Variants in THEMIS observed in about 807,000 individuals in gnomAD.
THEMIS encodes protein THEMIS.
Under a neutral mutation model 52.6 loss-of-function variants are expected in THEMIS, and 37 were observed. The ratio of observed to expected loss-of-function variants is 0.70; its 90% CI spans 0.54 to 0.93. The LOEUF is 0.93. Ranked by LOEUF, THEMIS falls within the 40% of genes least tolerant of loss-of-function variation. The pLI is 0.00. For missense variants in THEMIS, 808 were observed against 763.1 expected (o/e 1.06, Z -0.69); for synonymous variants, 292 against 272.7 (o/e 1.07, Z -0.70).
intron 4 of THEMIS, among the ~76,000 whole-genome samples, chr6:127,792,137 C>G (rs1209644326): frequency 6.6e-6 from 1 of 152,190 alleles, no homozygotes; most frequent in Admixed American, 6.5e-5. Context: ...TGTGCCTCCC[C>G]CATTGTAGCC....
At chr6:127,715,094 C>A (rs1444965276) in intron 5 of THEMIS, among the ~76,000 whole-genome samples, 1 of 151,888 alleles carries the variant, frequency 6.6e-6, no homozygotes, top group Admixed American at 6.6e-5. Flanking sequence ...CATTCTTAAA[C>A]ATTTAAATCT....
chr6:127,862,772 A>G (rs1295979974), intron 1 of THEMIS, among the ~76,000 whole-genome samples: 1 of 152,024 alleles, frequency 6.6e-6, no homozygotes, highest in Non-Finnish European at 1.5e-5. Context: ...AGTAGTCTCC[A>G]TGACAGAGAC....
intron 4 of THEMIS, among the ~76,000 whole-genome samples, chr6:127,730,944 T>C (rs1420804405): frequency 6.6e-6 from 1 of 152,210 alleles, no homozygotes; most frequent in Non-Finnish European, 1.5e-5. Context: ...TTGTGAAAAG[T>C]ATTCTTTCAT....
intron 1 of THEMIS, among the ~76,000 whole-genome samples, chr6:127,892,788 G>A (rs996339999): frequency 6.6e-6 from 1 of 151,826 alleles, no homozygotes. Flanking sequence ...AGTGTGCCTC[G>A]GCTCCTTTCC....
chr6:127,816,037 TCTTCAATA>T (rs1778121685), intron 3 of THEMIS, among the ~76,000 whole-genome samples: 1 of 152,200 alleles, frequency 6.6e-6, no homozygotes, highest in Non-Finnish European at 1.5e-5. Flanking sequence ...TACTGACCTA[TCTTCAATA>T]CTTCTGTGCC....
rs138782186 is a variant in THEMIS at position 127,719,803 on chromosome 6, G to C, written c.1779C>G (p.Thr593=). ...KSPKRHHVDI[T]KKLHPNQAGL... is the part of the protein sequence containing the mutation. ...CAGCTTGATTTGGGTGAAGTTTCTT[G>C]GTTATGTCTACGTGATGACGCTGAA... is the stretch of plus-strand genomic sequence containing the variant. The change falls in exon 5 of 6, where the codon ACC becomes ACG. Residue 593 remains threonine (T), a synonymous_variant. Transcript: ENST00000368248. 4.3e-5 allele frequency: 69 copies of C among 1,612,002 alleles called. No homozygotes were observed. The African/African-American group carries it at 9.0e-4, about 21-fold the overall frequency.
chr6:127,749,074 T>C (rs1001975575), intron 4 of THEMIS, among the ~76,000 whole-genome samples: 2 of 152,220 alleles, frequency 1.3e-5, no homozygotes, highest in East Asian at 1.9e-4. Flanking sequence ...ATGGCCTCTA[T>C]AACAATTTTG....
chr6:127,794,875 G>A (rs928394764), intron 4 of THEMIS, among the ~76,000 whole-genome samples: 1 of 152,070 alleles, frequency 6.6e-6, no homozygotes, highest in Non-Finnish European at 1.5e-5. Flanking sequence ...CCAAGACAAA[G>A]TAAACATTAA....
intron 2 of THEMIS, among the ~76,000 whole-genome samples, chr6:127,847,810 G>A (rs906151346): frequency 1.2e-4 from 18 of 151,124 alleles, no homozygotes; most frequent in Non-Finnish European, 1.8e-4. Flanking sequence ...AATTTTTATG[G>A]AACCAAAAAG....
intron 2 of THEMIS, among the ~76,000 whole-genome samples, chr6:127,830,300 A>G (rs1308165704): frequency 6.6e-6 from 1 of 152,214 alleles, no homozygotes; most frequent in Non-Finnish European, 1.5e-5. Flanking sequence ...TTATTTTTAA[A>G]ATGAGAAGAT....
chr6:127,702,245 T>C, the THEMIS span, among the ~76,000 whole-genome samples: 1 of 152,204 alleles, frequency 6.6e-6, no homozygotes, highest in East Asian at 1.9e-4. Context: ...AAGTCAACTG[T>C]TTGTCCAATT....
chr6:127,766,570 G>A (rs1158652327), intron 4 of THEMIS, among the ~76,000 whole-genome samples: 1 of 152,062 alleles, frequency 6.6e-6, no homozygotes, highest in African/African-American at 2.4e-5. Flanking sequence ...GCACCACAGA[G>A]TACACTTACA....
chr6:127,721,851 T>C (rs1774373767), intron 4 of THEMIS, among the ~76,000 whole-genome samples: 1 of 151,984 alleles, frequency 6.6e-6, no homozygotes, highest in African/African-American at 2.4e-5. Flanking sequence ...ATGCAATAGA[T>C]CAAAGAAGGA....
At chr6:127,752,747 T>G (rs1474972306) in intron 4 of THEMIS, among the ~76,000 whole-genome samples, 1 of 151,740 alleles carries the variant, frequency 6.6e-6, no homozygotes, top group Non-Finnish European at 1.5e-5. Context: ...TACCAAACAT[T>G]TAAAGAAAAA....
chr6:127,814,465 C>T (rs1014925389), intron 3 of THEMIS, among the ~76,000 whole-genome samples: 1 of 152,156 alleles, frequency 6.6e-6, no homozygotes, highest in African/African-American at 2.4e-5. Flanking sequence ...AAATCATATC[C>T]TGTGAGTTGA....
At position 127,709,021 on chromosome 6, in the gene THEMIS, A is replaced by G. The variant is rs1287272739; in HGVS notation, c.*964T>C. ...TCTTCATTTTGTTAAAGGAAAAATA[A>G]TATTGTTCCTGTATACTTAATACAT... On this transcript the variant is annotated 3_prime_UTR_variant, in exon 6 of 6. Transcript: ENST00000368248. 1 of 152,052 alleles carries G rather than the reference A, an allele frequency of 6.6e-6. No individual in the cohort carries two copies. The highest frequency in any genetic ancestry group is 6.6e-5 in the Admixed American group (1 of 15,248). 9.4% of individuals were successfully genotyped at this position (152,052 alleles called of 1,614,324 possible). A position where few individuals can be genotyped will look rare whatever the true frequency, so the allele number is the denominator to read the frequency against.
chr6:127,871,995 C>A (rs993898778), intron 1 of THEMIS, among the ~76,000 whole-genome samples: 1 of 151,656 alleles, frequency 6.6e-6, no homozygotes, highest in South Asian at 2.1e-4. Flanking sequence ...CAGCACACAT[C>A]AAAAAAATAA....
At chr6:127,873,088 T>G (rs1562313826) in intron 1 of THEMIS, among the ~76,000 whole-genome samples, 1 of 152,182 alleles carries the variant, frequency 6.6e-6, no homozygotes, top group Non-Finnish European at 1.5e-5. Flanking sequence ...TAATAGAACA[T>G]GTACAGAACT....
chr6:127,847,548 A>G (rs1412078340), intron 2 of THEMIS, among the ~76,000 whole-genome samples: 1 of 151,970 alleles, frequency 6.6e-6, no homozygotes, highest in Non-Finnish European at 1.5e-5. Flanking sequence ...TGCAAAAGAA[A>G]CCTAAACAAA....
Sources: gnomAD v4.1 joint callset for allele counts (sites outside exome capture counted in the v4.1 genomes callset) on GRCh38, gnomAD v4.1.1 for gene constraint, MANE v1.5 for transcripts, NCBI Gene and HGNC (gene_info 2026-07-23, HGNC 2026-07-21) for gene names.